The following MSR1 variants were observed in gnomAD, a reference collection of about 807,000 sequenced individuals.
The protein encoded by MSR1 is macrophage scavenger receptor 1.
Under a neutral mutation model 47.2 loss-of-function variants are expected in MSR1, and 53 were observed. The observed-to-expected ratio is 1.12, with a 90% CI of 0.90 to 1.41. The LOEUF (loss-of-function observed/expected upper bound fraction) is 1.41. MSR1 is among the 40% of genes most tolerant of loss of function. The probability of loss-of-function intolerance (pLI) is 0.00; values close to 1 mark genes in which losing one functional copy is unlikely to be tolerated. For missense variants in MSR1, 786 were observed against 546.9 expected, an observed-to-expected ratio of 1.44 and a Z score of -4.36; for synonymous variants, 239 against 185.6, an observed-to-expected ratio of 1.29 and a Z score of -2.34.
chr8:16,175,131 G>T (rs1416195481), intron 3 of MSR1, 56 bp downstream of exon 3: 9 of 1,394,384 alleles, frequency 6.5e-6, no homozygotes, highest in Admixed American at 5.1e-5. Context: ...TTTTGCTTTG[G>T]CAATGAATAA....
At chr8:16,117,483 G>A (rs1297312115) in intron 9 of MSR1, among the ~76,000 whole-genome samples, 1 of 152,076 alleles carries the variant, frequency 6.6e-6, no homozygotes, top group Non-Finnish European at 1.5e-5. Flanking sequence ...TGCATCTGAT[G>A]GCAGGCTTTA....
At chr8:16,172,391 T>C (rs1237412439) in intron 3 of MSR1, among the ~76,000 whole-genome samples, 1 of 152,150 alleles carries the variant, frequency 6.6e-6, no homozygotes, top group Non-Finnish European at 1.5e-5. Context: ...GAGTGAAAAC[T>C]AATTTTTCTA....
intron 8 of MSR1, among the ~76,000 whole-genome samples, chr8:16,138,055 A>G (rs1434721688): frequency 6.6e-6 from 1 of 151,948 alleles, no homozygotes; most frequent in Non-Finnish European, 1.5e-5. Context: ...TTGATCAACA[A>G]TGCTTTGGAA....
intron 5 of MSR1, among the ~76,000 whole-genome samples, chr8:16,162,672 T>G (rs1332031912): frequency 2.0e-5 from 3 of 151,912 alleles, no homozygotes; most frequent in Admixed American, 1.3e-4. Flanking sequence ...TGCTGAAGAT[T>G]TTATAGAATA....
chr8:16,139,412 C>T, intron 8 of MSR1: 1 of 944,006 alleles, frequency 1.1e-6, no homozygotes, highest in Non-Finnish European at 1.3e-6. Flanking sequence ...TAGGTGTTAA[C>T]ATGTTCATTA....
At chr8:16,114,450 G>C (rs1196511868) in intron 9 of MSR1, among the ~76,000 whole-genome samples, 5 of 152,026 alleles carry the variant, frequency 3.3e-5, no homozygotes, top group Admixed American at 2.6e-4. Flanking sequence ...ATCCATACAG[G>C]CTCAGATATA....
chr8:16,168,561 A>C lies in MSR1; in HGVS notation c.527T>G (p.Ile176Ser). The change falls in exon 4 of 10, where the codon ATC becomes AGC. Residue 176 changes from isoleucine to serine, a missense_variant. Physicochemically the swap from Ile to Ser is moderately radical, Grantham distance 142. Transcript: ENST00000262101. The stretch of plus-strand genomic sequence containing the variant: ...ATTCAAACTTATTAAGGACTTGGAG[A>C]TTTCATCTATTGCATTCCCATGTCC... Reference protein sequence around the residue: ...VQGHGNAIDEISKSLISLNTT... With the variant: ...VQGHGNAIDESSKSLISLNTT... 1 of 1,614,110 alleles carries C rather than the reference A, an allele frequency of 6.2e-7. No individual in the cohort carries two copies. Among genetic ancestry groups the C allele is most frequent in the East Asian group, 2.2e-5 (1 of 44,858 alleles).
At chr8:16,112,030 G>A (rs1207350049) in intron 9 of MSR1, among the ~76,000 whole-genome samples, 18 of 152,040 alleles carry the variant, frequency 1.2e-4, no homozygotes, top group Admixed American at 1.2e-3. Flanking sequence ...TTCCTGGGAG[G>A]GCTTATGTTC....
intron 8 of MSR1, among the ~76,000 whole-genome samples, chr8:16,135,936 A>G (rs996448255): frequency 2.0e-5 from 3 of 152,108 alleles, no homozygotes; most frequent in African/African-American, 7.2e-5. Flanking sequence ...ATGTGGCTGA[A>G]TTGCTGCAAT....
intron 8 of MSR1, among the ~76,000 whole-genome samples, chr8:16,130,479 A>AT (rs1800230285): frequency 6.6e-6 from 1 of 152,076 alleles, no homozygotes; most frequent in Non-Finnish European, 1.5e-5. Flanking sequence ...GATTTATTTC[A>AT]TTTTTTAAAA....
chr8:16,133,927 G>A lies in MSR1; in HGVS notation c.1033+9631C>T, dbSNP rs372615966. Reference sequence around the variant, plus strand: ...TTGTGCAAGCCAAACCAGTTGAGATGTCTGTGGTGTTGGCTGTTGTTCTGC... The same window carrying A: ...TTGTGCAAGCCAAACCAGTTGAGATATCTGTGGTGTTGGCTGTTGTTCTGC... On this transcript the variant is annotated intron_variant, in intron 8 of 9. Coordinates refer to ENST00000262101, the MANE Select transcript of MSR1 (RefSeq NM_138715.3). 5.9e-5 allele frequency among the ~76,000 whole-genome samples: 9 copies of A among 152,142 alleles called. No homozygotes were observed. In the East Asian group the frequency reaches 7.7e-4, roughly 13 times the overall value.
At chr8:16,116,121 C>T (rs968351207) in intron 9 of MSR1, among the ~76,000 whole-genome samples, 3 of 152,206 alleles carry the variant, frequency 2.0e-5, no homozygotes, top group Admixed American at 6.5e-5. Context: ...TGTGATAACA[C>T]AGTTTGTGTT....
chr8:16,165,287 G>A (rs1163999305), intron 4 of MSR1, among the ~76,000 whole-genome samples: 3 of 151,936 alleles, frequency 2.0e-5, no homozygotes, highest in Non-Finnish European at 2.9e-5. Flanking sequence ...TGAATACTGG[G>A]TACCATTAAT....
intron 9 of MSR1, among the ~76,000 whole-genome samples, chr8:16,112,871 A>G (rs911428733): frequency 1.3e-5 from 2 of 150,236 alleles, no homozygotes; most frequent in African/African-American, 4.9e-5. Flanking sequence ...ATACCTAGCC[A>G]TATATATATC....
At chr8:16,139,465 C>A (rs1417798861) in intron 8 of MSR1, 8 of 980,952 alleles carry the variant, frequency 8.2e-6, no homozygotes, top group Non-Finnish European at 9.7e-6. Flanking sequence ...CAGAGGCATA[C>A]CATCTAGAGT....
At chr8:16,132,740 C>T (rs544466446) in intron 8 of MSR1, among the ~76,000 whole-genome samples, 1 of 152,214 alleles carries the variant, frequency 6.6e-6, no homozygotes, top group East Asian at 1.9e-4. Flanking sequence ...CCACTGCAGC[C>T]TCCCAAAGTA....
At chr8:16,189,431 C>CTTT (rs1472474146) in intron 1 of MSR1, among the ~76,000 whole-genome samples, 1 of 67,446 alleles carries the variant, frequency 1.5e-5, no homozygotes, top group Admixed American at 2.4e-4. Flanking sequence ...TATATAAAAT[C>CTTT]ATATTTTATA....
intron 2 of MSR1, among the ~76,000 whole-genome samples, chr8:16,175,675 A>G (rs1801625235): frequency 1.3e-5 from 2 of 152,212 alleles, no homozygotes; most frequent in Non-Finnish European, 2.9e-5. Flanking sequence ...AAAATTTTCT[A>G]AAGTAACTAT....
intron 8 of MSR1, among the ~76,000 whole-genome samples, chr8:16,127,073 T>C (rs931249383): frequency 6.6e-6 from 1 of 152,110 alleles, no homozygotes; most frequent in Non-Finnish European, 1.5e-5. Context: ...GAATAGGTGA[T>C]GGGAGAAAAA....
Sources: gnomAD v4.1 joint callset for allele counts (sites outside exome capture counted in the v4.1 genomes callset) on GRCh38, gnomAD v4.1.1 for gene constraint, MANE v1.5 for transcripts, NCBI Gene and HGNC (gene_info 2026-07-23, HGNC 2026-07-21) for gene names.